Variants in CACNA2D3 observed in about 807,000 individuals in gnomAD.
CACNA2D3 encodes voltage-dependent calcium channel subunit alpha-2/delta-3.
CACNA2D3 carries 60 observed loss-of-function variants against 160.6 expected under a neutral mutation model. The ratio of observed to expected loss-of-function variants is 0.37; its 90% CI spans 0.30 to 0.46. The LOEUF is 0.46. Ranked by LOEUF, CACNA2D3 falls within the 20% of genes least tolerant of loss-of-function variation. The probability of loss-of-function intolerance (pLI) is 1.00; values close to 1 mark genes in which losing one functional copy is unlikely to be tolerated. For synonymous variants in CACNA2D3, 558 were observed against 492.9 expected (o/e 1.13, Z -1.75); for missense variants, 1,205 against 1,365.0 (o/e 0.88, Z 1.85).
intron 35 of CACNA2D3, among the ~76,000 whole-genome samples, chr3:55,066,513 T>G (rs1704638783): frequency 6.6e-6 from 1 of 152,128 alleles, no homozygotes; most frequent in South Asian, 2.1e-4. Context: ...TCCCGCGTGC[T>G]TGTTTGGAGG....
intron 2 of CACNA2D3, among the ~76,000 whole-genome samples, chr3:54,319,258 A>G (rs527433124): frequency 6.6e-6 from 1 of 151,724 alleles, no homozygotes; most frequent in South Asian, 2.1e-4. Context: ...AAGGTATAGG[A>G]TGGGAGGAAT....
intron 3 of CACNA2D3, among the ~76,000 whole-genome samples, chr3:54,376,909 A>G (rs1699022878): frequency 6.6e-6 from 1 of 152,238 alleles, no homozygotes; most frequent in Non-Finnish European, 1.5e-5. Flanking sequence ...AAGAACAACA[A>G]GGGAATTGGA....
At chr3:54,951,372 T>C (rs1478942754) in intron 27 of CACNA2D3, among the ~76,000 whole-genome samples, 1 of 152,190 alleles carries the variant, frequency 6.6e-6, no homozygotes, top group African/African-American at 2.4e-5. Context: ...GAAAATTCCA[T>C]GTGCAAGACA....
rs1017799096 is a variant in CACNA2D3 at position 54,928,843 on chromosome 3, G to T, written c.2449+28975G>T. On this transcript the variant is annotated intron_variant, in intron 27 of 37. Coordinates refer to ENST00000474759, the MANE Select transcript of CACNA2D3 (RefSeq NM_018398.3). Reference sequence around the variant, plus strand: ...TTTTCACATATAAAACAATAAAGCCGCCCCCTGTGAGCATCAGGCGTCAGT... The same window carrying T: ...TTTTCACATATAAAACAATAAAGCCTCCCCCTGTGAGCATCAGGCGTCAGT... Among the ~76,000 whole-genome samples, 4 of 151,920 alleles carry T rather than the reference G, an allele frequency of 2.6e-5. No homozygotes were observed. The South Asian group carries it at 8.3e-4, about 32-fold the overall frequency.
At chr3:55,028,450 G>A (rs1271868315) in intron 35 of CACNA2D3, among the ~76,000 whole-genome samples, 1 of 152,156 alleles carries the variant, frequency 6.6e-6, no homozygotes, top group Non-Finnish European at 1.5e-5. Flanking sequence ...AACAGCAATC[G>A]AAAACAACTC....
intron 9 of CACNA2D3, among the ~76,000 whole-genome samples, chr3:54,603,191 C>A (rs1703096315): frequency 6.6e-6 from 1 of 152,188 alleles, no homozygotes; most frequent in Non-Finnish European, 1.5e-5. Flanking sequence ...GGGCGCTGGC[C>A]GTGCAGCCCG....
At chr3:54,556,176 A>G (rs1702239497) in intron 5 of CACNA2D3, among the ~76,000 whole-genome samples, 1 of 152,168 alleles carries the variant, frequency 6.6e-6, no homozygotes, top group African/African-American at 2.4e-5. Flanking sequence ...AGTACCTGCA[A>G]ATGTGGTTTT....
At chr3:54,250,969 T>C (rs184248264) in intron 2 of CACNA2D3, among the ~76,000 whole-genome samples, 16 of 152,104 alleles carry the variant, frequency 1.1e-4, no homozygotes, top group Admixed American at 2.6e-4. Flanking sequence ...GGAGTAAAGA[T>C]CTGAGTAAAG....
intron 4 of CACNA2D3, among the ~76,000 whole-genome samples, chr3:54,492,885 C>T (rs1034136975): frequency 2.6e-5 from 4 of 152,078 alleles, no homozygotes; most frequent in Non-Finnish European, 5.9e-5. Context: ...TGGGGCTGCA[C>T]GGAGTGAGCC....
intron 5 of CACNA2D3, among the ~76,000 whole-genome samples, chr3:54,559,662 G>A (rs560799218): frequency 6.6e-6 from 1 of 152,244 alleles, no homozygotes; most frequent in African/African-American, 2.4e-5. Flanking sequence ...TGTCATGGGG[G>A]TTTGTCGTAC....
chr3:54,144,313 TC>T (rs1166587469), intron 2 of CACNA2D3, among the ~76,000 whole-genome samples: 2 of 152,164 alleles, frequency 1.3e-5, no homozygotes, highest in African/African-American at 2.4e-5. Flanking sequence ...TGCCCAGGTT[TC>T]CCCCAGTGTA....
chr3:54,263,880 G>A (rs1031737169), intron 2 of CACNA2D3, among the ~76,000 whole-genome samples: 18 of 152,096 alleles, frequency 1.2e-4, no homozygotes, highest in South Asian at 8.3e-4. Context: ...GGCTTTATAT[G>A]GTCTTTGGCC....
chr3:54,824,703 A>C (rs904973078), intron 14 of CACNA2D3, among the ~76,000 whole-genome samples: 3 of 152,154 alleles, frequency 2.0e-5, no homozygotes, highest in African/African-American at 7.2e-5. Flanking sequence ...GGGTACAGAC[A>C]CGTCCCTTAT....
intron 4 of CACNA2D3, among the ~76,000 whole-genome samples, chr3:54,463,420 G>A (rs1217104584): frequency 6.6e-6 from 1 of 151,576 alleles, no homozygotes; most frequent in Admixed American, 6.6e-5. Flanking sequence ...CAGCAATCAC[G>A]TAGATTTGGT....
intron 18 of CACNA2D3, among the ~76,000 whole-genome samples, chr3:54,876,017 A>C (rs1210518897): frequency 6.6e-6 from 1 of 152,202 alleles, no homozygotes; most frequent in Non-Finnish European, 1.5e-5. Flanking sequence ...ACAGCTGCAC[A>C]TGGGTTTTTT....
chr3:54,951,113 A>G (rs1283257434), intron 27 of CACNA2D3, among the ~76,000 whole-genome samples: 1 of 152,170 alleles, frequency 6.6e-6, no homozygotes, highest in Non-Finnish European at 1.5e-5. Context: ...TATAATATCA[A>G]GAACTAGTTG....
intron 27 of CACNA2D3, among the ~76,000 whole-genome samples, chr3:54,934,260 T>A (rs1009929738): frequency 6.6e-6 from 1 of 152,250 alleles, no homozygotes; most frequent in African/African-American, 2.4e-5. Context: ...AACCCATTCT[T>A]TTGACATTAA....
chr3:54,141,720 C>T (rs1277577829), intron 2 of CACNA2D3, among the ~76,000 whole-genome samples: 1 of 152,166 alleles, frequency 6.6e-6, no homozygotes, highest in East Asian at 1.9e-4. Context: ...TTCTCCACTT[C>T]ATTTGTAGGG....
chr3:54,754,344 A>G (rs1006105168), intron 12 of CACNA2D3, among the ~76,000 whole-genome samples: 4 of 152,236 alleles, frequency 2.6e-5, no homozygotes, highest in African/African-American at 4.8e-5. Context: ...TACCAAACCT[A>G]TCTGGGTAGA....
Sources: gnomAD v4.1 joint callset for allele counts (sites outside exome capture counted in the v4.1 genomes callset) on GRCh38, gnomAD v4.1.1 for gene constraint, MANE v1.5 for transcripts, NCBI Gene and HGNC (gene_info 2026-07-23, HGNC 2026-07-21) for gene names.